The following EML3 variants were observed in gnomAD, a reference collection of about 807,000 sequenced individuals.
The protein encoded by EML3 is EMAP like 3, also known as echinoderm microtubule-associated protein-like 3.
Under a neutral mutation model 106.7 loss-of-function variants are expected in EML3, and 53 were observed. That is an observed-to-expected ratio of 0.50 (90% CI 0.40 to 0.62). The LOEUF (loss-of-function observed/expected upper bound fraction) is 0.62, where lower values mean the gene tolerates loss of function less well. Among genes scored for constraint, EML3 ranks in the 20% least tolerant of loss-of-function variants. The pLI is 0.00. For missense variants in EML3, 994 were observed against 1,209.1 expected (o/e 0.82, Z 2.64); for synonymous variants, 499 against 489.6 (o/e 1.02, Z -0.25).
Position 62,604,042 on chromosome 11 carries a change from C to G in EML3, c.2072-1G>C. Reference sequence around the variant, plus strand: ...GAACCAATGGCCAGGTACAACCCATCTGCAAATACAGTCACTCAGAGAGGG... The same window carrying G: ...GAACCAATGGCCAGGTACAACCCATGTGCAAATACAGTCACTCAGAGAGGG... On this transcript the variant is annotated splice_acceptor_variant, in intron 17 of 21. Transcript: ENST00000394773. LOFTEE classifies it high-confidence loss of function. 6.2e-7 allele frequency: 1 copy of G among 1,614,174 alleles called. No individual in the cohort carries two copies. The highest frequency in any genetic ancestry group is 8.5e-7 in the Non-Finnish European group (1 of 1,180,032).
Position 62,612,628 on chromosome 11 carries a change from G to C in EML3, c.-171C>G. ...GGGGAAGGGGCCTGGAGGGGGCGCT[G>C]TGGGCCCGGGGCCGCAGTCTCCAGA... On this transcript the variant is annotated 5_prime_UTR_variant, in exon 1 of 22. Coordinates refer to ENST00000394773, the MANE Select transcript of EML3 (RefSeq NM_153265.3). 1.8e-6 allele frequency: 1 copy of C among 548,980 alleles called. No individual in the cohort carries two copies. The highest frequency in any genetic ancestry group is 2.8e-6 in the Non-Finnish European group (1 of 355,472). The allele number at this position is 548,980 out of a possible 1,614,324, so 34.0% of individuals were successfully genotyped here.
chr11:62,605,699 C>A lies in EML3; in HGVS notation c.1857G>T (p.Arg619=), dbSNP rs371496657. 2 of 1,597,768 alleles carry A rather than the reference C, an allele frequency of 1.3e-6. No individual in the cohort carries two copies. The highest frequency in any genetic ancestry group is 2.7e-5 in the African/African-American group (2 of 74,810). The change falls in exon 15 of 22, where the codon CGG becomes CGT. Residue 619 remains arginine, a synonymous_variant. Coordinates refer to ENST00000394773, the MANE Select transcript of EML3 (RefSeq NM_153265.3). The surrounding 1 kb of genome is among the most constrained non-coding windows in gnomAD (Gnocchi z 5.2). The part of the protein sequence containing the change: ...QNRFLTCGHD[R]QLCLWDGESH... ...TCTCCCCATCCCACAGGCAGAGCTG[C>A]CGGTCGTGGCCGCAGGTGAGGAAGC...
Position 62,605,704 on chromosome 11 carries a change from C to T in EML3, c.1852G>A (p.Asp618Asn), listed in dbSNP as rs772476427. ...SQNRFLTCGH[D>N]RQLCLWDGES... ...CCATCCCACAGGCAGAGCTGCCGGT[C>T]GTGGCCGCAGGTGAGGAAGCGGTTC... Residue 618 changes from aspartate (D) to asparagine (N), a missense_variant, in exon 15 of 22, where the codon GAC becomes AAC. By Grantham distance (23) the Asp-to-Asn change is conservative. This residue lies in a region of EML3 where 713 missense variants were observed against 920.5 expected (regional missense o/e 0.77). Transcript: ENST00000394773. The surrounding 1 kb of genome is among the most constrained non-coding windows in gnomAD (Gnocchi z 5.2). 2 of 1,599,258 alleles carry T rather than the reference C, an allele frequency of 1.3e-6. No individual in the cohort carries two copies. The highest frequency in any genetic ancestry group is 1.7e-6 in the Non-Finnish European group (2 of 1,172,130).
At position 62,608,638 on chromosome 11, in the gene EML3, C is replaced by T. The variant is rs759674559; in HGVS notation, c.1014G>A (p.Val338=). Residue 338 remains valine, a synonymous_variant, in exon 9 of 22, where the codon GTG becomes GTA. Coordinates refer to ENST00000394773, the MANE Select transcript of EML3 (RefSeq NM_153265.3). ...GCGTCTCTGAGTCCCAGATGTGAAC[C>T]ACAGGCTGCAGGGGCTGGTGGAGGA... ...VDKDGKPLQP[V]VHIWDSETLL... The T allele has an allele frequency of 1.2e-6, 2 of 1,614,102 alleles. No individual in the cohort carries two copies. The highest frequency in any genetic ancestry group is 1.7e-6 in the Non-Finnish European group (2 of 1,180,050).
At chr11:62,611,995 G>A (rs1425010197) in intron 1 of EML3, 2 of 363,592 alleles carry the variant, frequency 5.5e-6, no homozygotes, top group Non-Finnish European at 1.0e-5. Flanking sequence ...GAGTAACTGA[G>A]CCGGGGGAAC....
chr11:62,602,411 G>A lies in EML3; in HGVS notation c.*64C>T, dbSNP rs767957158. On this transcript the variant is annotated 3_prime_UTR_variant, in exon 22 of 22. Coordinates refer to ENST00000394773, the MANE Select transcript of EML3 (RefSeq NM_153265.3). ...TCGGCCCCTAGTCGTGGGGGATTGG[G>A]CCAGGGAAGGGCAGGGCGGGGCGGG... The A allele has an allele frequency of 9.0e-5, 124 of 1,376,112 alleles. No individual in the cohort carries two copies. The highest frequency in any genetic ancestry group is 1.8e-4 in the Middle Eastern group (1 of 5,552). The allele number at this position is 1,376,112 out of a possible 1,614,324, so 85.2% of individuals were successfully genotyped here.
rs1174261757 is a variant in EML3, at chr11:62,611,027, C to T, written c.453-35G>A. On this transcript the variant is annotated intron_variant, in intron 3 of 21. Coordinates refer to ENST00000394773, the MANE Select transcript of EML3 (RefSeq NM_153265.3). ...GCATAGTGAAGGTCATTCCCTCCAA[C>T]TGTACTCTGCAATCCTACCACCCCT... 3.7e-6 allele frequency: 6 copies of T among 1,608,970 alleles called. No individual in the cohort carries two copies. The Admixed American group carries it at 6.7e-5, about 18-fold the overall frequency.
chr11:62,612,384 CGAGCCG>C, intron 1 of EML3, 46 bp downstream of exon 1: 1 of 1,490,568 alleles, frequency 6.7e-7, no homozygotes, highest in Non-Finnish European at 8.9e-7. Flanking sequence ...CATAACCCGA[CGAGCCG>C]GGCGCTCCGG....
intron 10 of EML3, 72 bp from the exon 11 acceptor site, chr11:62,607,893 T>A: frequency 6.5e-7 from 1 of 1,547,980 alleles, no homozygotes; most frequent in Non-Finnish European, 8.8e-7. Context: ...CTCCTCAATT[T>A]GCATCATGAC....
At position 62,612,127 on chromosome 11, in the gene EML3, G is replaced by A. The variant is rs1358155069; in HGVS notation, c.22+309C>T. ...AGCAGAGTCACAGTGAAGGTCTCAG[G>A]GGGCAGTGGGGATCAGAAGGAAAAA... is the stretch of plus-strand genomic sequence containing the variant. On this transcript the variant is annotated intron_variant, in intron 1 of 21. Coordinates refer to ENST00000394773, the MANE Select transcript of EML3 (RefSeq NM_153265.3). The A allele has an allele frequency of 5.6e-5, 27 of 483,308 alleles. No homozygotes were observed. In the South Asian group the frequency reaches 7.2e-4, roughly 13 times the overall value. 29.9% of individuals were successfully genotyped at this position (483,308 alleles called of 1,614,324 possible).
Position 62,603,243 on chromosome 11 carries a change from G to C in EML3, c.2262C>G (p.Asp754Glu). ...NSGDYEILYW[D>E]VAGGCKQLKN... ...TCAGCTGCTTGCAGCCTCCAGCCACGTCCCCTGGGGAGAGGGAGCCCGCCC... is the reference window on the plus strand; with the variant it reads ...TCAGCTGCTTGCAGCCTCCAGCCACCTCCCCTGGGGAGAGGGAGCCCGCCC... The change falls in exon 20 of 22, where the codon GAC becomes GAG. Residue 754 changes from aspartate (D) to glutamate (E), a missense_variant. By Grantham distance (45) the Asp-to-Glu change is conservative (BLOSUM62 2). Around this residue, in one of 3 missense-constraint regions of EML3, gnomAD observed 713 missense variants for 920.5 expected, o/e 0.77. Transcript: ENST00000394773. 1.2e-6 allele frequency: 2 copies of C among 1,613,388 alleles called. No homozygotes were observed. Among genetic ancestry groups the C allele is most frequent in the Non-Finnish European group, 8.5e-7 (1 of 1,180,000 alleles).
Position 62,607,056 on chromosome 11 carries a change from G to T in EML3, c.1406C>A (p.Pro469Gln). 6.2e-7 allele frequency: 1 copy of T among 1,614,096 alleles called. No individual in the cohort carries two copies. Among genetic ancestry groups the T allele is most frequent in the Non-Finnish European group, 8.5e-7 (1 of 1,180,008 alleles). Residue 469 changes from proline (P) to glutamine (Q), a missense_variant, in exon 12 of 22, where the codon CCG becomes CAG. Coordinates refer to ENST00000394773, the MANE Select transcript of EML3 (RefSeq NM_153265.3). ...GTCTCCAGTGAGAATGTCTCCATCC[G>T]GAAGGAACACAAAGCAAGGGATAAA... ...PKFIPCFVFL[P>Q]DGDILTGDSE...
intron 4 of EML3, among the ~76,000 whole-genome samples, chr11:62,610,337 C>T (rs1218327882): frequency 1.3e-5 from 2 of 152,148 alleles, no homozygotes; most frequent in Non-Finnish European, 2.9e-5. Flanking sequence ...TGTCCTGGGG[C>T]CCGTACATAC....
At chr11:62,608,914 C>T (rs946875293) in intron 7 of EML3, 48 bp downstream of exon 7, 5 of 1,599,306 alleles carry the variant, frequency 3.1e-6, no homozygotes, top group Non-Finnish European at 4.3e-6. Flanking sequence ...GCTTCTCCAT[C>T]CCCCCAGACC....
chr11:62,604,055 C>G lies in EML3; in HGVS notation c.2072-14G>C. 6.2e-7 allele frequency: 1 copy of G among 1,614,142 alleles called. No individual in the cohort carries two copies. The highest frequency in any genetic ancestry group is 2.2e-5 in the East Asian group (1 of 44,874). On this transcript the variant is annotated splice_polypyrimidine_tract_variant and intron_variant, in intron 17 of 21. Transcript: ENST00000394773. ...GGTACAACCCATCTGCAAATACAGT[C>G]ACTCAGAGAGGGAAGGGCCAGGGAC...
chr11:62,612,321 C>A, intron 1 of EML3, 115 bp downstream of exon 1: 1 of 1,068,134 alleles, frequency 9.4e-7, no homozygotes, highest in East Asian at 3.1e-5. Flanking sequence ...TGCTCGGAGC[C>A]CCTGGGGCGG....
intron 12 of EML3, 76 bp downstream of exon 12, chr11:62,606,882 A>G (rs1286484712): frequency 6.5e-6 from 9 of 1,380,622 alleles, no homozygotes; most frequent in Non-Finnish European, 7.8e-6. Flanking sequence ...AAAGATGGGA[A>G]TGGGAAACCC....
Position 62,605,209 on chromosome 11 carries a change from A to T in EML3, c.1915-29T>A. On this transcript the variant is annotated intron_variant, in intron 15 of 21. Transcript: ENST00000394773. The surrounding 1 kb of genome is among the most constrained non-coding windows in gnomAD (Gnocchi z 5.2). The stretch of plus-strand genomic sequence containing the variant: ...GGAGAGGGGAGAAGGTGAATTCAAG[A>T]TGATGTCTTTCTAGTGAGGGAACCA... The T allele has an allele frequency of 6.2e-7, 1 of 1,606,544 alleles. No individual in the cohort carries two copies. The highest frequency in any genetic ancestry group is 1.7e-4 in the Middle Eastern group (1 of 6,018).
chr11:62,611,223 G>T lies in EML3; in HGVS notation c.316C>A (p.Pro106Thr), dbSNP rs773623280. The T allele has an allele frequency of 3.1e-6, 5 of 1,611,404 alleles. No individual in the cohort carries two copies. The South Asian group carries it at 3.3e-5, about 11-fold the overall frequency. The change falls in exon 3 of 22, where the codon CCC becomes ACC. Residue 106 changes from proline (P) to threonine (T), a missense_variant. Physicochemically the swap from Pro to Thr is conservative, Grantham distance 38. This residue lies in a region of EML3 where 269 missense variants were observed against 265.1 expected (regional missense o/e 1.01). Transcript: ENST00000394773. ...TCGCTGGCCCCCTGAGGGGCTGGGG[G>T]TCCATTGCTCAGGCCAGGGGGTCCA... is the stretch of plus-strand genomic sequence containing the variant. The part of the protein sequence containing the change: ...SPGPPGLSNG[P>T]PAPQGASEEP...
Sources: gnomAD v4.1 joint callset for allele counts (sites outside exome capture counted in the v4.1 genomes callset) on GRCh38, gnomAD v4.1.1 for gene constraint, gnomAD v4.1.1 regional missense constraint, Gnocchi (gnomAD v3.1) non-coding constraint, MANE v1.5 for transcripts, NCBI Gene and HGNC (gene_info 2026-07-23, HGNC 2026-07-21) for gene names.